The following SRFBP1 variants were observed in gnomAD, a reference collection of about 807,000 sequenced individuals.
The protein encoded by SRFBP1 is serum response factor-binding protein 1.
A neutral mutation model predicts 45.5 loss-of-function variants in SRFBP1; 47 were observed. The ratio of observed to expected loss-of-function variants is 1.03; its 90% confidence interval spans 0.82 to 1.32. The LOEUF (loss-of-function observed/expected upper bound fraction) is 1.32, where lower values mean the gene tolerates loss of function less well. Among genes scored for constraint, SRFBP1 ranks in the 40% most tolerant of loss-of-function variants. SRFBP1 has a pLI of 0.00. For synonymous variants in SRFBP1, 203 were observed against 166.3 expected (o/e 1.22, Z -1.70); for missense variants, 621 against 484.6 (o/e 1.28, Z -2.64).
At chr5:122,035,735 C>T (rs1238428990) in intron 2 of SRFBP1, among the ~76,000 whole-genome samples, 1 of 152,122 alleles carries the variant, frequency 6.6e-6, no homozygotes, top group Non-Finnish European at 1.5e-5. Context: ...TCAATCACTT[C>T]AATTTGCCAT....
At chr5:122,063,010 G>A (rs1225797774) in intron 2 of SRFBP1, among the ~76,000 whole-genome samples, 1 of 151,956 alleles carries the variant, frequency 6.6e-6, no homozygotes, top group Non-Finnish European at 1.5e-5. Context: ...ATGTATGACA[G>A]TGTCTACTTA....
At chr5:122,078,789 T>C (rs1477105603), downstream of SRFBP1, among the ~76,000 whole-genome samples, 1 of 152,232 alleles carries the variant, frequency 6.6e-6, no homozygotes, top group African/African-American at 2.4e-5. Context: ...GGATATCAAA[T>C]TTTGTTTTTC....
chr5:122,027,193 T>G lies in SRFBP1; in HGVS notation c.*67T>G. 7.6e-7 allele frequency: 1 copy of G among 1,323,218 alleles called. No homozygotes were observed. Among genetic ancestry groups the G allele is most frequent in the Admixed American group, 2.2e-5 (1 of 45,634 alleles). The allele number at this position is 1,323,218 out of a possible 1,614,324, so 82.0% of individuals were successfully genotyped here. A position where few individuals can be genotyped will look rare whatever the true frequency, so the allele number is the denominator to read the frequency against. On this transcript the variant is annotated 3_prime_UTR_variant, in exon 8 of 8. Coordinates refer to ENST00000339397, the MANE Select transcript of SRFBP1 (RefSeq NM_152546.3). ...ATGTTTTTTTTAAGACAGGATCTCA[T>G]TCTGTTGCCCAGACTAGAGTACAAT... is the stretch of plus-strand genomic sequence containing the variant.
rs1166482651 is a variant in SRFBP1 at position 122,001,546 on chromosome 5, CTTTTTTTT to C, written c.270+6895_270+6902del. On this transcript the variant is annotated intron_variant, in intron 4 of 7. Transcript: ENST00000339397. Reference sequence around the variant, plus strand: ...AAGAAGCCAAGTCATCCTTTGGTATCTTTTTTTTTTTTTTTTTTTTTTTTTTGAGACGG... The same window carrying C: ...AAGAAGCCAAGTCATCCTTTGGTATCTTTTTTTTTTTTTTTTTTGAGACGG... 7.3e-3 allele frequency among the ~76,000 whole-genome samples: 766 copies of C among 104,870 alleles called. 14 individuals carry two copies. The highest frequency in any genetic ancestry group is 0.028 in the African/African-American group (733 of 26,522). The allele number at this position is 104,870 out of a possible 152,430, so 68.8% of individuals were successfully genotyped here.
downstream of SRFBP1, among the ~76,000 whole-genome samples, chr5:122,029,878 T>G (rs1353145449): frequency 6.6e-6 from 1 of 152,214 alleles, no homozygotes; most frequent in Non-Finnish European, 1.5e-5. Flanking sequence ...TCTACTTAAT[T>G]TGGCTAGTGG....
At chr5:121,978,772 G>T (rs916798417) in intron 3 of SRFBP1, among the ~76,000 whole-genome samples, 2 of 152,144 alleles carry the variant, frequency 1.3e-5, no homozygotes, top group Non-Finnish European at 2.9e-5. Flanking sequence ...GATTACAGGC[G>T]TGAGCAACCA....
In SRFBP1 at chr5:122,018,700, T is replaced by C. The variant is rs557661569; in HGVS notation, c.271-560T>C. ...TTCAAGTCATTAGCCGGCATTATGA[T>C]TTTTCCAAATTTATAAATATATTGA... On this transcript the variant is annotated intron_variant, in intron 4 of 7. Coordinates refer to ENST00000339397, the MANE Select transcript of SRFBP1 (RefSeq NM_152546.3). 4.2e-4 allele frequency among the ~76,000 whole-genome samples: 64 copies of C among 152,292 alleles called. 2 individuals are homozygous for C. The South Asian group carries it at 0.013, about 31-fold the overall frequency.
rs565582526 is a variant in SRFBP1 at position 121,968,177 on chromosome 5, A to AC, written c.37-6014dup. Among the ~76,000 whole-genome samples, 350 of 151,386 alleles carry AC rather than the reference A, an allele frequency of 2.3e-3. 2 individuals carry two copies. Among genetic ancestry groups the AC allele is most frequent in the African/African-American group, 8.1e-3 (334 of 41,280 alleles). On this transcript the variant is annotated intron_variant, in intron 1 of 7. Transcript: ENST00000339397. ...TTATCCATGGGGGTTATGTTCCAAG[A>AC]CCCCCAGTGTATGCTTAAAACCTCA...
chr5:122,017,394 T>C (rs1188746482), intron 4 of SRFBP1, among the ~76,000 whole-genome samples: 1 of 152,172 alleles, frequency 6.6e-6, no homozygotes, highest in African/African-American at 2.4e-5. Context: ...ATCTTTGCCC[T>C]TAGTGTTCAC....
At chr5:122,023,299 C>T (rs1207782092) in intron 7 of SRFBP1, among the ~76,000 whole-genome samples, 1 of 152,180 alleles carries the variant, frequency 6.6e-6, no homozygotes, top group Admixed American at 6.5e-5. Context: ...ACACTTACCT[C>T]CTTCCCAAGG....
downstream of SRFBP1, chr5:122,076,823 C>G (rs953115827): frequency 2.1e-4 from 286 of 1,382,118 alleles, no homozygotes; most frequent in Non-Finnish European, 2.8e-4. Flanking sequence ...CAGTAGCAGT[C>G]AGAACCAGGC....
chr5:122,046,789 G>T (rs1378586511), intron 2 of SRFBP1, among the ~76,000 whole-genome samples: 1 of 152,214 alleles, frequency 6.6e-6, no homozygotes, highest in Non-Finnish European at 1.5e-5. Context: ...GCACTTCTCT[G>T]ATGGCCAGTG....
At chr5:122,059,777 ATAAC>A (rs1206628460) in intron 2 of SRFBP1, among the ~76,000 whole-genome samples, 1 of 152,128 alleles carries the variant, frequency 6.6e-6, no homozygotes, top group Non-Finnish European at 1.5e-5. Flanking sequence ...AAAGTACACT[ATAAC>A]TAACAGAAGT....
chr5:121,997,109 A>G (rs1269080617), intron 4 of SRFBP1, among the ~76,000 whole-genome samples: 1 of 139,008 alleles, frequency 7.2e-6, no homozygotes, highest in Non-Finnish European at 1.5e-5. Flanking sequence ...TTACAGATTC[A>G]ATGCCATCCC....
At chr5:122,042,731 G>A (rs1292649349) in intron 2 of SRFBP1, among the ~76,000 whole-genome samples, 2 of 152,206 alleles carry the variant, frequency 1.3e-5, no homozygotes, top group African/African-American at 4.8e-5. Context: ...AATGCATTGT[G>A]ATTTTTAAGA....
At chr5:121,984,336 A>G (rs762442358) in intron 3 of SRFBP1, among the ~76,000 whole-genome samples, 2 of 151,938 alleles carry the variant, frequency 1.3e-5, no homozygotes, top group African/African-American at 2.4e-5. Flanking sequence ...TACCCTGCTT[A>G]CTTCATCTTC....
At chr5:122,002,234 C>T (rs2112685640) in intron 4 of SRFBP1, among the ~76,000 whole-genome samples, 1 of 152,276 alleles carries the variant, frequency 6.6e-6, no homozygotes, top group Non-Finnish European at 1.5e-5. Context: ...ACACAATCAG[C>T]AAGTTAACTA....
At chr5:122,038,407 G>A (rs934666035) in intron 2 of SRFBP1, among the ~76,000 whole-genome samples, 2 of 152,198 alleles carry the variant, frequency 1.3e-5, no homozygotes, top group South Asian at 2.1e-4. Flanking sequence ...TTTTTAGAAG[G>A]TGGGCCACAT....
At chr5:122,078,157 A>T (rs975039040), downstream of SRFBP1, 4 of 540,612 alleles carry the variant, frequency 7.4e-6, no homozygotes, top group African/African-American at 8.0e-5. Context: ...ACCCTTCCCC[A>T]GTCAAGGCGG....
Sources: allele counts gnomAD v4.1 joint callset (sites outside exome capture counted in the v4.1 genomes callset), GRCh38; gene constraint gnomAD v4.1.1; transcripts MANE v1.5; gene names NCBI Gene and HGNC (gene_info 2026-07-23, HGNC 2026-07-21).